STARD3NL: variants seen among roughly 807,000 people sequenced by gnomAD.
STARD3NL encodes STARD3 N-terminal like.
STARD3NL carries 17 observed loss-of-function variants against 30.9 expected under a neutral mutation model. That is an observed-to-expected ratio of 0.55 (90% CI 0.38 to 0.82). The LOEUF is 0.82. Among genes scored for constraint, STARD3NL ranks in the 40% least tolerant of loss-of-function variants. The probability of loss-of-function intolerance (pLI) is 0.00; values close to 1 mark genes in which losing one functional copy is unlikely to be tolerated. For missense variants in STARD3NL, 234 were observed against 277.6 expected, an observed-to-expected ratio of 0.84 and a Z score of 1.12; for synonymous variants, 112 against 100.5, an observed-to-expected ratio of 1.11 and a Z score of -0.69.
intron 1 of STARD3NL, among the ~76,000 whole-genome samples, chr7:38,185,416 G>A (rs761422703): frequency 6.6e-6 from 1 of 152,180 alleles, no homozygotes; most frequent in East Asian, 1.9e-4. Context: ...ACTTCTGCCT[G>A]TTGATAGATA....
chr7:38,206,330 C>T (rs757618574), intron 1 of STARD3NL, among the ~76,000 whole-genome samples: 17 of 152,150 alleles, frequency 1.1e-4, no homozygotes, highest in Non-Finnish European at 2.2e-4. Flanking sequence ...CTTCTGCCCA[C>T]GTTACATGCC....
At chr7:38,198,645 T>C (rs1189322723) in intron 1 of STARD3NL, among the ~76,000 whole-genome samples, 2 of 152,218 alleles carry the variant, frequency 1.3e-5, no homozygotes, top group East Asian at 3.8e-4. Context: ...CCATAAGTAG[T>C]GCTGAGAAGG....
chr7:38,214,430 T>C lies in STARD3NL; in HGVS notation c.299T>C (p.Ile100Thr). ...GACTACTATTCTTCATATTTTGATA[T>C]ATTTGTAAGTATTTTTTATGTTTCA... The part of the protein sequence containing the change: ...QYDYYSSYFD[I>T]FLLAVFRFKV... Residue 100 changes from isoleucine to threonine, a missense_variant, in exon 3 of 9, where the codon ATA becomes ACA. Ile to Thr is a moderately conservative substitution (Grantham distance 89, BLOSUM62 -1). Transcript: ENST00000009041. 6.4e-7 allele frequency: 1 copy of C among 1,574,450 alleles called. No homozygotes were observed. The highest frequency in any genetic ancestry group is 8.7e-7 in the Non-Finnish European group (1 of 1,147,812).
intron 2 of STARD3NL, among the ~76,000 whole-genome samples, chr7:38,210,092 A>G (rs1785713107): frequency 6.6e-6 from 1 of 152,194 alleles, no homozygotes; most frequent in African/African-American, 2.4e-5. Flanking sequence ...CACTACACGC[A>G]GTACCATTCA....
chr7:38,217,160 A>G (rs1457899424), intron 5 of STARD3NL, 28 bp from the exon 6 acceptor site: 2 of 1,613,630 alleles, frequency 1.2e-6, no homozygotes, highest in Non-Finnish European at 1.7e-6. Flanking sequence ...TGGTAACTGC[A>G]TTTCCCTTTC....
At chr7:38,186,306 T>C (rs1279676198) in intron 1 of STARD3NL, among the ~76,000 whole-genome samples, 1 of 152,210 alleles carries the variant, frequency 6.6e-6, no homozygotes, top group Non-Finnish European at 1.5e-5. Context: ...ACTGATGTAT[T>C]GTGTGATTTT....
intron 1 of STARD3NL, among the ~76,000 whole-genome samples, chr7:38,202,423 G>A (rs75368653): frequency 0.012 from 1,752 of 152,270 alleles, 34 homozygotes; most frequent in East Asian, 0.063. Flanking sequence ...GCAAAGTGAT[G>A]TTTGAATTTA....
At chr7:38,185,755 C>T (rs1784432952) in intron 1 of STARD3NL, among the ~76,000 whole-genome samples, 1 of 152,328 alleles carries the variant, frequency 6.6e-6, no homozygotes, top group Admixed American at 6.5e-5. Flanking sequence ...AATTCAGCTT[C>T]TGTTTTCTCT....
chr7:38,189,947 G>T (rs1784613735), intron 1 of STARD3NL, among the ~76,000 whole-genome samples: 12 of 152,114 alleles, frequency 7.9e-5, no homozygotes, highest in Admixed American at 7.9e-4. Flanking sequence ...AGGATGTTTG[G>T]TTTGTCTTTG....
chr7:38,228,053 T>G (rs1194101827), intron 7 of STARD3NL, among the ~76,000 whole-genome samples: 1 of 152,220 alleles, frequency 6.6e-6, no homozygotes, highest in Non-Finnish European at 1.5e-5. Context: ...TCATGGCATT[T>G]AAAGTTTTAT....
intron 6 of STARD3NL, among the ~76,000 whole-genome samples, chr7:38,218,099 C>T (rs1352501331): frequency 2.0e-5 from 3 of 152,188 alleles, no homozygotes; most frequent in African/African-American, 7.2e-5. Context: ...TGGAAGCCCA[C>T]ATGCCCCACC....
At chr7:38,205,759 G>A (rs890353400) in intron 1 of STARD3NL, among the ~76,000 whole-genome samples, 1 of 152,118 alleles carries the variant, frequency 6.6e-6, no homozygotes, top group African/African-American at 2.4e-5. Context: ...ACACAACTAT[G>A]TTACCACTAC....
At position 38,216,664 on chromosome 7, in the gene STARD3NL, C is replaced by G. The variant is rs1786138018; in HGVS notation, c.382-361C>G. On this transcript the variant is annotated intron_variant, in intron 4 of 8. Coordinates refer to ENST00000009041, the MANE Select transcript of STARD3NL (RefSeq NM_032016.4). ...GCTCAGGTATTATGGTATCTCTGGA[C>G]TTCACAACCCCTGGCGAGAGCCCTA... 1.8e-5 allele frequency: 4 copies of G among 226,844 alleles called. No homozygotes were observed. The South Asian group carries it at 5.1e-4, about 29-fold the overall frequency. The allele number at this position is 226,844 out of a possible 1,614,324, so 14.1% of individuals were successfully genotyped here. A position where few individuals can be genotyped will look rare whatever the true frequency, so the allele number is the denominator to read the frequency against.
intron 7 of STARD3NL, among the ~76,000 whole-genome samples, chr7:38,224,704 T>C (rs962395008): frequency 6.6e-6 from 1 of 152,174 alleles, no homozygotes; most frequent in African/African-American, 2.4e-5. Context: ...ACAGTGCTTG[T>C]GTTCAAGTAA....
intron 6 of STARD3NL, 33 bp from the exon 7 acceptor site, chr7:38,219,532 T>G (rs1182340280): frequency 6.6e-7 from 1 of 1,518,264 alleles, no homozygotes; most frequent in Non-Finnish European, 9.1e-7. Flanking sequence ...AAAGGTGACC[T>G]CATTCCCAAC....
chr7:38,215,060 A>T lies in STARD3NL; in HGVS notation c.336A>T (p.Ile112=), dbSNP rs765860362. The part of the protein sequence containing the change: ...LLAVFRFKVL[I]LAYAVCRLRH... The stretch of plus-strand genomic sequence containing the variant: ...CAGTTTTTCGATTTAAAGTGTTAAT[A>T]CTTGCATATGCTGTGTGCAGACTGC... Residue 112 remains isoleucine (I), a synonymous_variant, in exon 4 of 9, where the codon ATA becomes ATT. Coordinates refer to ENST00000009041, the MANE Select transcript of STARD3NL (RefSeq NM_032016.4). 1.5e-4 allele frequency: 250 copies of T among 1,613,904 alleles called. 1 individual carries two copies. In the Admixed American group the frequency reaches 4.1e-3, roughly 27 times the overall value.
intron 7 of STARD3NL, among the ~76,000 whole-genome samples, chr7:38,223,494 C>T (rs1280496278): frequency 1.3e-5 from 2 of 152,164 alleles, no homozygotes; most frequent in Non-Finnish European, 2.9e-5. Context: ...TGCTCAATTG[C>T]ATAATATAGC....
rs148806761 is a variant in STARD3NL at position 38,209,817 on chromosome 7, C to G, written c.225+2088C>G. 2.0e-3 allele frequency among the ~76,000 whole-genome samples: 308 copies of G among 152,222 alleles called. 2 individuals carry two copies. The highest frequency in any genetic ancestry group is 7.2e-3 in the African/African-American group (299 of 41,538). ...GAAGTGGAAATGAAGTAGGCTGCCCCCTGTTCTTGTTCACAGACAAGTTAT... is the reference window on the plus strand; with the variant it reads ...GAAGTGGAAATGAAGTAGGCTGCCCGCTGTTCTTGTTCACAGACAAGTTAT... On this transcript the variant is annotated intron_variant, in intron 2 of 8. Transcript: ENST00000009041.
chr7:38,203,024 C>CA (rs1785263710), intron 1 of STARD3NL, among the ~76,000 whole-genome samples: 1 of 121,834 alleles, frequency 8.2e-6, no homozygotes, highest in Admixed American at 8.9e-5. Flanking sequence ...AATAGTGCTG[C>CA]AATAAACATA....
Sources: allele counts gnomAD v4.1 joint callset (sites outside exome capture counted in the v4.1 genomes callset), GRCh38; gene constraint gnomAD v4.1.1; transcripts MANE v1.5; gene names NCBI Gene and HGNC (gene_info 2026-07-23, HGNC 2026-07-21).